Variants in MVK observed in about 807,000 individuals in gnomAD.
MVK encodes the protein LH receptor mRNA-binding protein.
In MVK, 34 loss-of-function variants were observed where a neutral mutation model predicts 43.2. The observed-to-expected ratio is 0.79, with a 90% confidence interval of 0.60 to 1.05. MVK has a LOEUF of 1.05. Among genes scored for constraint, MVK ranks in the 50% least tolerant of loss-of-function variants. The pLI is 0.00. For synonymous variants in MVK, 190 were observed against 219.8 expected (o/e 0.86, Z 1.20); for missense variants, 395 against 504.0 (o/e 0.78, Z 2.07).
At chr12:109,573,424 G>A (rs10774774), upstream of MVK, 8 of 1,607,888 alleles carry the variant, frequency 5.0e-6, no homozygotes, top group Non-Finnish European at 6.8e-6. Context: ...CGAAGCACCC[G>A]CGCAGGCCAA....
chr12:109,592,638 T>G (rs529222721), intron 9 of MVK, among the ~76,000 whole-genome samples: 1 of 152,346 alleles, frequency 6.6e-6, no homozygotes, highest in South Asian at 2.1e-4. Context: ...AGTAGGTGTC[T>G]TATCCCTATT....
Position 109,576,088 on chromosome 12 carries a change from G to T in MVK, c.169G>T (p.Gly57Cys), listed in dbSNP as rs767282766. The T allele has an allele frequency of 6.2e-7, 1 of 1,614,172 alleles. No homozygotes were observed. Among genetic ancestry groups the T allele is most frequent in the Admixed American group, 1.7e-5 (1 of 60,020 alleles). The part of the protein sequence containing the change: ...GKVDLSLPNI[G>C]IKRAWDVARL... ...AGTGGACCTCAGCTTACCCAACATT[G>T]GTATCAAGCGGGCCTGGGATGTGGC... is the stretch of plus-strand genomic sequence containing the variant. Residue 57 changes from glycine (G) to cysteine (C), a missense_variant, in exon 3 of 11, where the codon GGT (glycine) becomes TGT (cysteine). Coordinates refer to ENST00000228510, the MANE Select transcript of MVK (RefSeq NM_000431.4).
chr12:109,580,051 C>G, intron 4 of MVK, 105 bp downstream of exon 4: 1 of 1,533,734 alleles, frequency 6.5e-7, no homozygotes, highest in South Asian at 1.1e-5. Flanking sequence ...TCTTCTAGAG[C>G]AGCAGCCATT....
upstream of MVK, chr12:109,573,682 G>C: frequency 1.5e-6 from 1 of 665,624 alleles, no homozygotes; most frequent in Non-Finnish European, 2.7e-6. Flanking sequence ...GTGTCGGCTT[G>C]GCTGCAACAC....
In MVK at chr12:109,591,244, C is replaced by T. The variant is rs1196257138; in HGVS notation, c.772C>T (p.Pro258Ser). The change falls in exon 9 of 11, where the codon CCA becomes TCA. Residue 258 changes from proline (P) to serine (S), a missense_variant. Pro to Ser is a moderately conservative substitution (Grantham distance 74). Transcript: ENST00000228510. ...CGTTCCTTCTTTTTTTCTCCAGTTCCCAGAGATCGTGGCCCCCCTCCTGAC... is the reference window on the plus strand; with the variant it reads ...CGTTCCTTCTTTTTTTCTCCAGTTCTCAGAGATCGTGGCCCCCCTCCTGAC... ...AGVRNRLLKF[P>S]EIVAPLLTSI... 1 of 1,614,046 alleles carries T rather than the reference C, an allele frequency of 6.2e-7. No individual in the cohort carries two copies. The highest frequency in any genetic ancestry group is 1.1e-5 in the South Asian group (1 of 91,088).
chr12:109,590,927 G>T, intron 8 of MVK, 66 bp downstream of exon 8: 4 of 1,540,182 alleles, frequency 2.6e-6, no homozygotes, highest in Middle Eastern at 1.7e-4. Flanking sequence ...CTGGATTTTC[G>T]AGGTCTCCCT....
chr12:109,589,295 G>A (rs11609445), intron 7 of MVK: 25,955 of 152,154 alleles, frequency 0.17, 2,295 homozygotes, highest in African/African-American at 0.19. Context: ...AACTCCTCCC[G>A]CCTGGCTAGA....
At chr12:109,578,264 CTT>C (rs60053584) in intron 3 of MVK, among the ~76,000 whole-genome samples, 16 of 145,152 alleles carry the variant, frequency 1.1e-4, no homozygotes, top group Middle Eastern at 3.3e-3. Context: ...AAACATTGAA[CTT>C]TTTTTTTTTT....
intron 4 of MVK, among the ~76,000 whole-genome samples, chr12:109,580,615 C>T (rs1474106589): frequency 6.6e-6 from 1 of 152,110 alleles, no homozygotes; most frequent in Non-Finnish European, 1.5e-5. Flanking sequence ...GGGTGAGGGG[C>T]ATTCCAGAAT....
chr12:109,584,068 GT>G (rs1885337540), intron 5 of MVK, among the ~76,000 whole-genome samples: 1 of 152,226 alleles, frequency 6.6e-6, no homozygotes, highest in Admixed American at 6.5e-5. Context: ...CCAGGATGCT[GT>G]TTGACCCATC....
At chr12:109,587,171 G>C in intron 7 of MVK, 1 of 307,306 alleles carries the variant, frequency 3.3e-6, no homozygotes, top group Non-Finnish European at 6.5e-6. Context: ...CTTGGGTACA[G>C]TTTCCAAGGA....
chr12:109,584,833 T>C (rs1331279947), intron 5 of MVK, among the ~76,000 whole-genome samples: 5 of 152,096 alleles, frequency 3.3e-5, no homozygotes, highest in Non-Finnish European at 7.4e-5. Context: ...TGCAGTGAGC[T>C]GAGATCGTGC....
chr12:109,590,779 C>G lies in MVK; in HGVS notation c.686C>G (p.Ala229Gly). ...GKISSLKRSP[A>G]LQILLTNTKV... ...TCCTCTTCACCCTGCAGGTCGCCAG[C>G]TCTCCAGATCCTGCTGACCAACACC... The change falls in exon 8 of 11, where the codon GCT becomes GGT. Residue 229 changes from alanine to glycine, a missense_variant. Ala to Gly is a moderately conservative substitution (Grantham distance 60, BLOSUM62 0). Transcript: ENST00000228510. 6.2e-7 allele frequency: 1 copy of G among 1,614,186 alleles called. No individual in the cohort carries two copies. The highest frequency in any genetic ancestry group is 8.5e-7 in the Non-Finnish European group (1 of 1,180,028).
rs200584393 is a variant in MVK at position 109,581,590 on chromosome 12, G to A, written c.527+40G>A. The stretch of plus-strand genomic sequence containing the variant: ...TACCTGGCCAGTGTCCCTCCCGCAC[G>A]GCAGGACAGGGACGTGGCTTCTCTC... On this transcript the variant is annotated intron_variant, in intron 5 of 10. Coordinates refer to ENST00000228510, the MANE Select transcript of MVK (RefSeq NM_000431.4). The A allele has an allele frequency of 8.1e-5, 131 of 1,613,718 alleles. No homozygotes were observed. In the Middle Eastern group the frequency reaches 1.5e-3, roughly 18 times the overall value.
intron 7 of MVK, chr12:109,587,046 C>A (rs780552745): frequency 3.8e-6 from 2 of 532,726 alleles, no homozygotes; most frequent in South Asian, 4.0e-5. Context: ...TGGCTGTGCC[C>A]GTAGACTCTC....
In MVK at chr12:109,596,509, C is replaced by G. The variant is rs757079671; in HGVS notation, c.1123C>G (p.Pro375Ala). 2 of 1,613,138 alleles carry G rather than the reference C, an allele frequency of 1.2e-6. No individual in the cohort carries two copies. The highest frequency in any genetic ancestry group is 2.2e-5 in the South Asian group (2 of 91,084). Reference protein sequence around the residue: ...FDCLETSIGAPGVSIHSATSL... With the variant: ...FDCLETSIGAAGVSIHSATSL... ...CTGCTTGGAAACCAGCATCGGTGCC[C>G]CCGGCGTCTCCATCCACTCAGCCAC... The change falls in exon 11 of 11, where the codon CCC (proline) becomes GCC (alanine). Residue 375 changes from proline (P) to alanine (A), a missense_variant. Transcript: ENST00000228510.
chr12:109,592,483 C>T (rs578027827), intron 9 of MVK, among the ~76,000 whole-genome samples: 2 of 152,324 alleles, frequency 1.3e-5, no homozygotes, highest in South Asian at 2.1e-4. Context: ...CCCCGCGCCC[C>T]GCACTCTGTA....
chr12:109,585,461 G>A (rs1398666490), intron 5 of MVK, among the ~76,000 whole-genome samples: 1 of 152,170 alleles, frequency 6.6e-6, no homozygotes, highest in African/African-American at 2.4e-5. Context: ...AGAGAGGTTA[G>A]ATAACAGGCC....
intron 3 of MVK, among the ~76,000 whole-genome samples, chr12:109,578,231 T>C (rs921848914): frequency 6.6e-6 from 1 of 152,100 alleles, no homozygotes; most frequent in Non-Finnish European, 1.5e-5. Context: ...TTCAGTGTCC[T>C]TTTGCTCCCT....
Sources: allele counts gnomAD v4.1 joint callset (sites outside exome capture counted in the v4.1 genomes callset), GRCh38; gene constraint gnomAD v4.1.1; transcripts MANE v1.5; gene names NCBI Gene and HGNC (gene_info 2026-07-23, HGNC 2026-07-21).